WDFY2: variants seen among roughly 807,000 people sequenced by gnomAD.
WDFY2 encodes WD repeat and FYVE domain containing 2.
A neutral mutation model predicts 56.4 loss-of-function variants in WDFY2; 36 were observed. That is an observed-to-expected ratio of 0.64 (90% CI 0.49 to 0.84). The LOEUF is 0.84. Ranked by LOEUF, WDFY2 falls within the 40% of genes least tolerant of loss-of-function variation. WDFY2 has a pLI of 0.00. For missense variants in WDFY2, 444 were observed against 512.2 expected, an observed-to-expected ratio of 0.87 and a Z score of 1.29; for synonymous variants, 176 against 183.7, an observed-to-expected ratio of 0.96 and a Z score of 0.34.
chr13:51,696,045 G>A (rs1448897839), intron 3 of WDFY2, among the ~76,000 whole-genome samples: 1 of 152,212 alleles, frequency 6.6e-6, no homozygotes, highest in East Asian at 1.9e-4. Flanking sequence ...CAGTATTGGG[G>A]TGGGAGTGAC....
chr13:51,620,558 T>G (rs963708457), intron 1 of WDFY2, among the ~76,000 whole-genome samples: 5 of 152,126 alleles, frequency 3.3e-5, no homozygotes, highest in Non-Finnish European at 1.5e-5. Context: ...CGTACCACTG[T>G]GGGCTCTCAA....
At chr13:51,605,317 G>GCAA (rs1954365390) in intron 1 of WDFY2, among the ~76,000 whole-genome samples, 1 of 152,176 alleles carries the variant, frequency 6.6e-6, no homozygotes, top group African/African-American at 2.4e-5. Flanking sequence ...CAGTTAGCAC[G>GCAA]CAACACCCCA....
At chr13:51,698,325 T>C (rs1045875924) in intron 3 of WDFY2, among the ~76,000 whole-genome samples, 9 of 152,222 alleles carry the variant, frequency 5.9e-5, no homozygotes, top group African/African-American at 2.2e-4. Context: ...CAGGGCAAGT[T>C]TGAATTCTTT....
intron 1 of WDFY2, among the ~76,000 whole-genome samples, chr13:51,594,808 C>T: frequency 6.7e-6 from 1 of 148,994 alleles, no homozygotes; most frequent in East Asian, 2.1e-4. Flanking sequence ...CTTCCTGCAG[C>T]ACCTGCAGCA....
At chr13:51,602,866 C>T (rs1287555217) in intron 1 of WDFY2, among the ~76,000 whole-genome samples, 2 of 152,156 alleles carry the variant, frequency 1.3e-5, no homozygotes, top group African/African-American at 4.8e-5. Context: ...GTAGCTTTTT[C>T]TCCAAATGGG....
chr13:51,669,158 A>G (rs560525457), intron 2 of WDFY2, among the ~76,000 whole-genome samples: 22 of 152,282 alleles, frequency 1.4e-4, no homozygotes, highest in Non-Finnish European at 2.8e-4. Context: ...GTCTAGGGCT[A>G]TGTCTCCTGT....
chr13:51,647,422 A>T (rs1370402459), intron 1 of WDFY2, among the ~76,000 whole-genome samples: 2 of 152,202 alleles, frequency 1.3e-5, no homozygotes, highest in Admixed American at 6.5e-5. Context: ...GTATGTGTGT[A>T]TCTAAACATA....
At chr13:51,708,973 G>A (rs1014277932) in intron 4 of WDFY2, among the ~76,000 whole-genome samples, 10 of 152,194 alleles carry the variant, frequency 6.6e-5, no homozygotes, top group Non-Finnish European at 1.3e-4. Flanking sequence ...AAATGTTTAT[G>A]CATCTAATAA....
chr13:51,715,733 A>G (rs1952330703), intron 4 of WDFY2, among the ~76,000 whole-genome samples: 1 of 152,244 alleles, frequency 6.6e-6, no homozygotes, highest in African/African-American at 2.4e-5. Flanking sequence ...ACATTATTGT[A>G]GGTGCTGTAC....
intron 1 of WDFY2, among the ~76,000 whole-genome samples, chr13:51,625,589 A>G (rs1954823522): frequency 6.6e-6 from 1 of 152,214 alleles, no homozygotes; most frequent in African/African-American, 2.4e-5. Context: ...CATTCTTAAT[A>G]AGAGTCCATT....
chr13:51,640,545 A>T (rs1229963368), intron 1 of WDFY2, among the ~76,000 whole-genome samples: 1 of 152,220 alleles, frequency 6.6e-6, no homozygotes, highest in Non-Finnish European at 1.5e-5. Context: ...GTGCCTCTTT[A>T]TCACACAGAG....
intron 2 of WDFY2, among the ~76,000 whole-genome samples, chr13:51,664,399 T>C (rs1205337094): frequency 6.6e-6 from 1 of 152,164 alleles, no homozygotes; most frequent in Non-Finnish European, 1.5e-5. Flanking sequence ...GCCATTTTAC[T>C]GGGAACATAT....
rs988598795 is a variant in WDFY2 at position 51,732,161 on chromosome 13, C to T, written c.598+4371C>T. Among the ~76,000 whole-genome samples the T allele has an allele frequency of 6.6e-5, 10 of 152,116 alleles. No homozygotes were observed. The South Asian group carries it at 1.7e-3, about 25-fold the overall frequency. ...TTTTTGTTTTTTTGAGACAGAATCT[C>T]GCTCTGTCGTCCAGGCTGGAGTGCA... On this transcript the variant is annotated intron_variant, in intron 6 of 11. Transcript: ENST00000298125.
At chr13:51,648,820 C>A (rs112065757) in intron 1 of WDFY2, among the ~76,000 whole-genome samples, 1,717 of 152,292 alleles carry the variant, frequency 0.011, 20 homozygotes, top group Non-Finnish European at 0.017. Flanking sequence ...ATGTGATCAG[C>A]TGTATCCAAC....
At chr13:51,736,331 C>T (rs939604407) in intron 6 of WDFY2, among the ~76,000 whole-genome samples, 3 of 152,184 alleles carry the variant, frequency 2.0e-5, no homozygotes, top group Admixed American at 2.0e-4. Context: ...AGGTCCTATA[C>T]CTAATAAAGA....
At chr13:51,594,003 T>C (rs565649830) in intron 1 of WDFY2, 1 of 152,362 alleles carries the variant, frequency 6.6e-6, no homozygotes, top group East Asian at 1.9e-4. Context: ...GCAAGGGAGT[T>C]TTGACATGCT....
chr13:51,656,303 C>T (rs768400582), intron 1 of WDFY2, among the ~76,000 whole-genome samples: 13 of 151,768 alleles, frequency 8.6e-5, no homozygotes, highest in Non-Finnish European at 1.8e-4. Flanking sequence ...AACTTCTTCC[C>T]CAGTTCTTTT....
At chr13:51,692,482 A>G (rs576735317) in intron 3 of WDFY2, among the ~76,000 whole-genome samples, 1 of 152,290 alleles carries the variant, frequency 6.6e-6, no homozygotes, top group African/African-American at 2.4e-5. Flanking sequence ...TTCTGTTTAT[A>G]TGCTGGATTA....
At chr13:51,609,601 AC>A (rs1162614972) in intron 1 of WDFY2, among the ~76,000 whole-genome samples, 1 of 66,996 alleles carries the variant, frequency 1.5e-5, no homozygotes, top group East Asian at 4.6e-4. Flanking sequence ...AAAAACCCCA[AC>A]CCCCGCCCCC....
Sources: gnomAD v4.1 joint callset for allele counts (sites outside exome capture counted in the v4.1 genomes callset) on GRCh38, gnomAD v4.1.1 for gene constraint, MANE v1.5 for transcripts, NCBI Gene and HGNC (gene_info 2026-07-23, HGNC 2026-07-21) for gene names.